Variants in STPG2 observed in about 807,000 individuals in gnomAD.
STPG2 encodes the protein sperm tail PG-rich repeat containing 2.
In STPG2, 56 loss-of-function variants were observed where a neutral mutation model predicts 54.2. The observed-to-expected ratio is 1.03, with a 90% CI of 0.83 to 1.29. STPG2 has a LOEUF of 1.29. Among genes scored for constraint, STPG2 ranks in the 50% most tolerant of loss-of-function variants. The pLI is 0.00. For missense variants in STPG2, 596 were observed against 544.9 expected, an observed-to-expected ratio of 1.09 and a Z score of -0.93; for synonymous variants, 200 against 181.8, an observed-to-expected ratio of 1.10 and a Z score of -0.81.
chr4:97,876,179 A>G (rs1730164223), intron 8 of STPG2, among the ~76,000 whole-genome samples: 1 of 152,068 alleles, frequency 6.6e-6, no homozygotes, highest in Non-Finnish European at 1.5e-5. Context: ...AATTAAATCA[A>G]TTGAATATCA....
chr4:97,959,764 A>G (rs1733818268), intron 7 of STPG2, among the ~76,000 whole-genome samples: 1 of 152,140 alleles, frequency 6.6e-6, no homozygotes, highest in African/African-American at 2.4e-5. Context: ...ATTCTACCAG[A>G]CATTCAAAGA....
chr4:97,968,104 C>A (rs1425724024), intron 7 of STPG2, among the ~76,000 whole-genome samples: 1 of 151,852 alleles, frequency 6.6e-6, no homozygotes, highest in East Asian at 1.9e-4. Context: ...AAAATTGAGA[C>A]ACCATTAGCA....
intron 8 of STPG2, among the ~76,000 whole-genome samples, chr4:97,932,837 G>T (rs1423059176): frequency 6.6e-6 from 1 of 152,164 alleles, no homozygotes; most frequent in Non-Finnish European, 1.5e-5. Context: ...ATGTGTGGAT[G>T]TATCTTTATA....
intron 5 of STPG2, among the ~76,000 whole-genome samples, chr4:97,996,168 A>G (rs1437737803): frequency 6.6e-6 from 1 of 152,232 alleles, no homozygotes; most frequent in Non-Finnish European, 1.5e-5. Flanking sequence ...AGCTGGAGAC[A>G]TCACACTACC....
intron 4 of STPG2, chr4:97,441,610 A>C (rs929100203): frequency 6.6e-6 from 1 of 152,012 alleles, no homozygotes; most frequent in Non-Finnish European, 1.5e-5. Flanking sequence ...ATATTCTTTC[A>C]GATGGCTTCT....
chr4:97,647,251 C>T (rs1469630812), intron 10 of STPG2, among the ~76,000 whole-genome samples: 1 of 152,122 alleles, frequency 6.6e-6, no homozygotes, highest in African/African-American at 2.4e-5. Context: ...TAAATAAGCA[C>T]TCAAATGCTT....
chr4:97,670,616 T>C (rs1722668468), intron 10 of STPG2, among the ~76,000 whole-genome samples: 1 of 152,216 alleles, frequency 6.6e-6, no homozygotes, highest in South Asian at 2.1e-4. Context: ...CTTACTCAGA[T>C]AAATTTATTC....
At chr4:98,015,146 G>A (rs1735897407) in intron 5 of STPG2, among the ~76,000 whole-genome samples, 1 of 152,026 alleles carries the variant, frequency 6.6e-6, no homozygotes, top group Non-Finnish European at 1.5e-5. Context: ...CATAGGCATT[G>A]GCAAAGACTT....
intron 5 of STPG2, among the ~76,000 whole-genome samples, chr4:97,986,242 A>C (rs1734828641): frequency 6.6e-6 from 1 of 152,234 alleles, no homozygotes; most frequent in Non-Finnish European, 1.5e-5. Context: ...TCCCAAGTTA[A>C]ATAAGATAAT....
intron 8 of STPG2, among the ~76,000 whole-genome samples, chr4:97,938,111 C>A (rs1732818414): frequency 6.6e-6 from 1 of 152,146 alleles, no homozygotes; most frequent in Non-Finnish European, 1.5e-5. Context: ...TGCAGGGAGG[C>A]CTCACCCAGA....
intron 8 of STPG2, among the ~76,000 whole-genome samples, chr4:97,903,936 C>T (rs986417489): frequency 6.6e-6 from 1 of 152,206 alleles, no homozygotes; most frequent in Non-Finnish European, 1.5e-5. Flanking sequence ...CCGCACCTGG[C>T]TCAGAGAGTC....
chr4:97,635,137 A>T (rs1721462121), intron 10 of STPG2, among the ~76,000 whole-genome samples: 1 of 152,000 alleles, frequency 6.6e-6, no homozygotes, highest in African/African-American at 2.4e-5. Flanking sequence ...CTAACAGCGG[A>T]TCTCTCAGCA....
rs150498433 is a variant in STPG2 at position 97,991,430 on chromosome 4, AGT to A, written c.613-10114_613-10113del. Among the ~76,000 whole-genome samples, 637 of 141,442 alleles carry A rather than the reference AGT, an allele frequency of 4.5e-3. 25 individuals carry two copies. The East Asian group carries it at 0.1, about 23-fold the overall frequency. The allele number at this position is 141,442 out of a possible 152,430, so 92.8% of individuals were successfully genotyped here. A position where few individuals can be genotyped will look rare whatever the true frequency, so the allele number is the denominator to read the frequency against. On this transcript the variant is annotated intron_variant, in intron 5 of 10. Coordinates refer to ENST00000295268, the MANE Select transcript of STPG2 (RefSeq NM_174952.3). ...ATATATACACCATGGAATACTACTCAGTGTGTGTGTGTGTGTGTGTGTGTGTG... is the reference window on the plus strand; with the variant it reads ...ATATATACACCATGGAATACTACTCAGTGTGTGTGTGTGTGTGTGTGTGTG...
intron 5 of STPG2, among the ~76,000 whole-genome samples, chr4:98,052,087 CAAAAA>C (rs5860519): frequency 6.8e-5 from 8 of 117,780 alleles, no homozygotes; most frequent in Admixed American, 9.3e-5. Context: ...AACTCTGTCT[CAAAAA>C]AAAAAAAAAA....
At chr4:97,604,400 G>C (rs1733541297) in intron 10 of STPG2, among the ~76,000 whole-genome samples, 1 of 151,742 alleles carries the variant, frequency 6.6e-6, no homozygotes, top group African/African-American at 2.4e-5. Flanking sequence ...AAGAGATGTA[G>C]TGGCACCAAC....
At chr4:97,690,031 T>C (rs1251999755) in intron 10 of STPG2, among the ~76,000 whole-genome samples, 1 of 152,162 alleles carries the variant, frequency 6.6e-6, no homozygotes, top group Non-Finnish European at 1.5e-5. Context: ...TGAAAACTAA[T>C]TTTACACTTT....
At chr4:97,904,112 C>A (rs1045239188) in intron 8 of STPG2, among the ~76,000 whole-genome samples, 1 of 152,212 alleles carries the variant, frequency 6.6e-6, no homozygotes, top group Admixed American at 6.5e-5. Context: ...CTGAAGGAGG[C>A]CTGCCTGCCT....
At chr4:97,544,613 G>T (rs1414999408) in intron 4 of STPG2, among the ~76,000 whole-genome samples, 2 of 151,976 alleles carry the variant, frequency 1.3e-5, no homozygotes, top group Non-Finnish European at 2.9e-5. Context: ...TGATTTTTAA[G>T]TAGCCAGAAT....
intron 9 of STPG2, among the ~76,000 whole-genome samples, chr4:97,728,951 G>C (rs1724707159): frequency 6.6e-6 from 1 of 151,794 alleles, no homozygotes; most frequent in South Asian, 2.1e-4. Context: ...GATACAGAGA[G>C]ACAAAGAAAG....
Sources: gnomAD v4.1 joint callset for allele counts (sites outside exome capture counted in the v4.1 genomes callset) on GRCh38, gnomAD v4.1.1 for gene constraint, MANE v1.5 for transcripts, NCBI Gene and HGNC (gene_info 2026-07-23, HGNC 2026-07-21) for gene names.